POLR3E: variants seen among roughly 807,000 people sequenced by gnomAD.
POLR3E encodes RNA polymerase III subunit E, also known as DNA-directed RNA polymerase III subunit RPC5.
In POLR3E, 41 loss-of-function variants were observed where a neutral mutation model predicts 96.6. The observed-to-expected ratio is 0.42, with a 90% confidence interval of 0.33 to 0.55. POLR3E has a LOEUF of 0.55. Among genes scored for constraint, POLR3E ranks in the 20% least tolerant of loss-of-function variants. The pLI is 0.06. For missense variants in POLR3E, 849 were observed against 952.1 expected, an observed-to-expected ratio of 0.89 and a Z score of 1.43; for synonymous variants, 396 against 383.6, an observed-to-expected ratio of 1.03 and a Z score of -0.38.
At chr16:22,333,609 CA>C in intron 20 of POLR3E, 34 bp from the exon 21 acceptor site, 1 of 1,523,982 alleles carries the variant, frequency 6.6e-7, no homozygotes, top group Non-Finnish European at 9.1e-7. Flanking sequence ...CCTTTTCCTG[CA>C]AAAATCTGTG....
intron 1 of POLR3E, chr16:22,298,892 T>A (rs1036184074): frequency 2.3e-6 from 1 of 438,648 alleles, no homozygotes; most frequent in Non-Finnish European, 4.6e-6. Flanking sequence ...ATTTTTTTTT[T>A]AAAGTAATGC....
intron 18 of POLR3E, chr16:22,326,624 G>C (rs533107344): frequency 2.4e-6 from 1 of 409,336 alleles, no homozygotes. Flanking sequence ...CCATTGTTTG[G>C]AATGATTTAA....
rs779476220 is a variant in POLR3E, at chr16:22,318,960, TTTA to T, written c.986+17_986+19del. ...GGTGGTGAAGAGGTAAGTTGCTTTT[TTTA>T]TTTTTTATTTTTATTTATTTTTTTC... On this transcript the variant is annotated intron_variant, in intron 13 of 20. Transcript: ENST00000299853. The surrounding 1 kb of genome is among the most constrained non-coding windows in gnomAD (Gnocchi z 5.0). 7 of 1,555,388 alleles carry T rather than the reference TTTA, an allele frequency of 4.5e-6. No homozygotes were observed. In the Admixed American group the frequency reaches 1.4e-4, roughly 30 times the overall value.
rs2048662381 is a variant in POLR3E, at chr16:22,328,564, G to A, written c.1921G>A (p.Glu641Lys). The A allele has an allele frequency of 7.4e-6, 12 of 1,613,892 alleles. No individual in the cohort carries two copies. The Admixed American group carries it at 1.3e-4, about 18-fold the overall frequency. Residue 641 changes from glutamate to lysine, a missense_variant, in exon 19 of 21, where the codon GAG becomes AAG. Transcript: ENST00000299853. ...TGAGCAGAAGGTGTTTGCCCTCTGG[G>A]AGTCTGGAGACATGAGTGATCAGGT... is the stretch of plus-strand genomic sequence containing the variant. ...PDEQKVFALW[E>K]SGDMSDQHRQ...
intron 5 of POLR3E, 92 bp downstream of exon 5, chr16:22,309,132 C>T (rs2048193008): frequency 1.2e-6 from 1 of 849,244 alleles, no homozygotes. Flanking sequence ...TTTGCCCCGT[C>T]ACTGGGCTCC....
rs1330418091 is a variant in POLR3E, at chr16:22,314,084, G to A, written c.478G>A (p.Asp160Asn). ...GTGGCTTGTCTCTCTTGCAGCAGGGGACTCTTCACAGGATGAGGCGGAAGA... is the reference window on the plus strand; with the variant it reads ...GTGGCTTGTCTCTCTTGCAGCAGGGAACTCTTCACAGGATGAGGCGGAAGA... Reference protein sequence around the residue: ...REREAANEAGDSSQDEAEDDV... With the variant: ...REREAANEAGNSSQDEAEDDV... The change falls in exon 8 of 21, where the codon GAC becomes AAC. Residue 160 changes from aspartate (D) to asparagine (N), a missense_variant. Coordinates refer to ENST00000299853, the MANE Select transcript of POLR3E (RefSeq NM_018119.4). 1 of 1,613,756 alleles carries A rather than the reference G, an allele frequency of 6.2e-7. No individual in the cohort carries two copies. The highest frequency in any genetic ancestry group is 1.3e-5 in the African/African-American group (1 of 74,928).
At position 22,315,160 on chromosome 16, in the gene POLR3E, G is replaced by T. The variant is rs776848326; in HGVS notation, c.594G>T (p.Lys198Asn). Reference sequence around the variant, plus strand: ...TGCAGTCCTATGAGTTCCTGCAGAAGAAGCACGCAGAGGAGCCCTGGGTCC... The same window carrying T: ...TGCAGTCCTATGAGTTCCTGCAGAATAAGCACGCAGAGGAGCCCTGGGTCC... The part of the protein sequence containing the change: ...RRVQSYEFLQ[K>N]KHAEEPWVHL... The change falls in exon 9 of 21, where the codon AAG becomes AAT. Residue 198 changes from lysine (K) to asparagine (N), a missense_variant. Transcript: ENST00000299853. 2 of 1,609,974 alleles carry T rather than the reference G, an allele frequency of 1.2e-6. No individual in the cohort carries two copies. Among genetic ancestry groups the T allele is most frequent in the Non-Finnish European group, 1.7e-6 (2 of 1,178,244 alleles).
intron 19 of POLR3E, among the ~76,000 whole-genome samples, chr16:22,330,525 A>ACAAG (rs2048714639): frequency 6.6e-6 from 1 of 152,018 alleles, no homozygotes; most frequent in African/African-American, 2.4e-5. Flanking sequence ...CACTTGTGTA[A>ACAAG]TTTTCTGAAC....
At position 22,328,508 on chromosome 16, in the gene POLR3E, A is replaced by G; in HGVS notation, c.1867-2A>G. The G allele has an allele frequency of 1.2e-6, 2 of 1,613,804 alleles. No homozygotes were observed. The highest frequency in any genetic ancestry group is 2.2e-5 in the South Asian group (2 of 91,076). Reference sequence around the variant, plus strand: ...AGCAACTCACCCCTGGGCCTTGGTCAGTTTCCCCCCCAGACTGCTGCTTCC... The same window carrying G: ...AGCAACTCACCCCTGGGCCTTGGTCGGTTTCCCCCCCAGACTGCTGCTTCC... On this transcript the variant is annotated splice_acceptor_variant, in intron 18 of 20. Coordinates refer to ENST00000299853, the MANE Select transcript of POLR3E (RefSeq NM_018119.4). LOFTEE classifies it high-confidence loss of function.
chr16:22,308,610 C>G (rs763913593), intron 4 of POLR3E: 25 of 441,930 alleles, frequency 5.7e-5, no homozygotes, highest in Non-Finnish European at 9.4e-5. Flanking sequence ...GCTGGCTTTT[C>G]AAGAGAAGTG....
intron 9 of POLR3E, among the ~76,000 whole-genome samples, chr16:22,315,839 G>GT (rs1412322457): frequency 1.3e-5 from 2 of 151,730 alleles, no homozygotes; most frequent in Non-Finnish European, 2.9e-5. Context: ...TTTTGTTTTT[G>GT]TTTTTTTAGT....
chr16:22,297,806 TC>T (rs1306648226), intron 1 of POLR3E, among the ~76,000 whole-genome samples: 1 of 152,218 alleles, frequency 6.6e-6, no homozygotes. Context: ...ACCTGCCCTA[TC>T]CGGGCCTGGG....
chr16:22,303,689 G>A (rs543780952), intron 2 of POLR3E, among the ~76,000 whole-genome samples: 227 of 141,642 alleles, frequency 1.6e-3, no homozygotes, highest in African/African-American at 6.3e-3. Flanking sequence ...TGCCCAGGCT[G>A]GAGTTCAGTG....
In POLR3E at chr16:22,305,289, TG is replaced by T. The variant is rs2048111977; in HGVS notation, c.87+86del. On this transcript the variant is annotated intron_variant, in intron 3 of 20. Coordinates refer to ENST00000299853, the MANE Select transcript of POLR3E (RefSeq NM_018119.4). ...ACTCAGGAACACGGGCAGGAAACGA[TG>T]GGAAACCTCAGCTAGGGTTCTCGGT... 6.1e-6 allele frequency: 6 copies of T among 989,046 alleles called. No individual in the cohort carries two copies. The South Asian group carries it at 7.6e-5, about 13-fold the overall frequency. The allele number at this position is 989,046 out of a possible 1,614,324, so 61.3% of individuals were successfully genotyped here.
At chr16:22,325,015 G>A (rs1267912099) in intron 16 of POLR3E, among the ~76,000 whole-genome samples, 190 bp from the exon 17 acceptor site, 2 of 152,006 alleles carry the variant, frequency 1.3e-5, no homozygotes, top group Non-Finnish European at 2.9e-5. Context: ...GTTGGCAGAA[G>A]ACTGATGGGG....
intron 19 of POLR3E, chr16:22,328,854 A>C: frequency 2.5e-6 from 1 of 407,200 alleles, no homozygotes; most frequent in Non-Finnish European, 4.7e-6. Context: ...GGCTGGGCGT[A>C]GTGGCTCACG....
chr16:22,303,374 C>T (rs957555155), intron 2 of POLR3E, among the ~76,000 whole-genome samples: 11 of 152,132 alleles, frequency 7.2e-5, no homozygotes, highest in Admixed American at 2.6e-4. Context: ...ACTGCTGTGC[C>T]GCAAAGCCGA....
At position 22,313,937 on chromosome 16, in the gene POLR3E, A is replaced by G; in HGVS notation, c.473-142A>G. The stretch of plus-strand genomic sequence containing the variant: ...GGGTAAAGGGGCAAAACTGTCCCCG[A>G]TTGAGAACCACTGGCTTAGGCAGCT... On this transcript the variant is annotated intron_variant, in intron 7 of 20. Coordinates refer to ENST00000299853, the MANE Select transcript of POLR3E (RefSeq NM_018119.4). This position sits in a 1 kb window ranked among gnomAD's most constrained non-coding sequence, Gnocchi z 4.1. 1.3e-6 allele frequency: 1 copy of G among 777,452 alleles called. No homozygotes were observed. Among genetic ancestry groups the G allele is most frequent in the South Asian group, 1.5e-5 (1 of 65,292 alleles). The allele number at this position is 777,452 out of a possible 1,614,324, so 48.2% of individuals were successfully genotyped here.
Position 22,313,173 on chromosome 16 carries a change from G to A in POLR3E, c.365-447G>A, listed in dbSNP as rs1247197737. On this transcript the variant is annotated intron_variant, in intron 6 of 20. Transcript: ENST00000299853. This position sits in a 1 kb window ranked among gnomAD's most constrained non-coding sequence, Gnocchi z 4.1. Reference sequence around the variant, plus strand: ...ACTAGTGGACTTCCTAGTGGAACGGGTGGGATTTTGGCGGGAAAAGATGGA... The same window carrying A: ...ACTAGTGGACTTCCTAGTGGAACGGATGGGATTTTGGCGGGAAAAGATGGA... Among the ~76,000 whole-genome samples the A allele has an allele frequency of 6.6e-6, 1 of 152,150 alleles. No homozygotes were observed. Among genetic ancestry groups the A allele is most frequent in the Non-Finnish European group, 1.5e-5 (1 of 68,034 alleles).
Sources: allele counts gnomAD v4.1 joint callset (sites outside exome capture counted in the v4.1 genomes callset), GRCh38; gene constraint gnomAD v4.1.1; non-coding constraint Gnocchi (gnomAD v3.1); transcripts MANE v1.5; gene names NCBI Gene and HGNC (gene_info 2026-07-23, HGNC 2026-07-21).